The following UBASH3B variants were observed in gnomAD, a reference collection of about 807,000 sequenced individuals.
UBASH3B encodes the protein ubiquitin associated and SH3 domain containing B.
A neutral mutation model predicts 83.4 loss-of-function variants in UBASH3B; 37 were observed. The observed-to-expected ratio is 0.44, with a 90% CI of 0.34 to 0.58. The LOEUF is 0.58. UBASH3B is among the 20% of genes least tolerant of loss of function. The probability of loss-of-function intolerance (pLI) is 0.01; values close to 1 mark genes in which losing one functional copy is unlikely to be tolerated. For missense variants in UBASH3B, 657 were observed against 827.2 expected, an observed-to-expected ratio of 0.79 and a Z score of 2.52; for synonymous variants, 304 against 318.3, an observed-to-expected ratio of 0.96 and a Z score of 0.48.
At chr11:122,807,785 C>T (rs919221784) in intron 12 of UBASH3B, among the ~76,000 whole-genome samples, 1 of 152,136 alleles carries the variant, frequency 6.6e-6, no homozygotes, top group Non-Finnish European at 1.5e-5. Flanking sequence ...AACTCCTGAA[C>T]TCAAGTGGTC....
At chr11:122,767,379 C>T (rs12363591) in intron 1 of UBASH3B, among the ~76,000 whole-genome samples, 4 of 152,012 alleles carry the variant, frequency 2.6e-5, no homozygotes, top group East Asian at 1.9e-4. Context: ...GGCACGATTT[C>T]GGCTCACTGC....
intron 1 of UBASH3B, among the ~76,000 whole-genome samples, chr11:122,686,877 C>CT (rs981432121): frequency 4.8e-5 from 7 of 144,430 alleles, no homozygotes; most frequent in South Asian, 2.2e-4. Flanking sequence ...TTTTTTTTTT[C>CT]TTTTTTTTGA....
intron 1 of UBASH3B, among the ~76,000 whole-genome samples, chr11:122,773,069 C>G (rs896510479): frequency 6.6e-6 from 1 of 152,218 alleles, no homozygotes; most frequent in Non-Finnish European, 1.5e-5. Flanking sequence ...TTTATCTTCT[C>G]GAGGTCTCAG....
At chr11:122,742,567 G>T (rs148444838) in intron 1 of UBASH3B, among the ~76,000 whole-genome samples, 4 of 152,334 alleles carry the variant, frequency 2.6e-5, no homozygotes, top group African/African-American at 9.6e-5. Context: ...TCAGCCACAC[G>T]TGTGACATCA....
intron 9 of UBASH3B, 94 bp from the exon 10 acceptor site, chr11:122,798,848 A>G: frequency 1.1e-6 from 1 of 916,040 alleles, no homozygotes; most frequent in Non-Finnish European, 1.7e-6. Flanking sequence ...AGAGGGGTTT[A>G]CAGGAGCTTA....
At chr11:122,693,510 G>A (rs1026683283) in intron 1 of UBASH3B, among the ~76,000 whole-genome samples, 1 of 152,166 alleles carries the variant, frequency 6.6e-6, no homozygotes, top group Admixed American at 6.5e-5. Context: ...GTACAGAATG[G>A]ACAAAGTCAT....
chr11:122,782,639 A>G (rs900648851), intron 4 of UBASH3B: 1 of 155,130 alleles, frequency 6.4e-6, no homozygotes, highest in Non-Finnish European at 1.4e-5. Flanking sequence ...CGTGATTCCA[A>G]AATGAAGGGA....
intron 1 of UBASH3B, among the ~76,000 whole-genome samples, chr11:122,697,491 C>T (rs969351004): frequency 6.6e-6 from 1 of 152,034 alleles, no homozygotes; most frequent in Admixed American, 6.6e-5. Flanking sequence ...CACATTTATA[C>T]CCACAACTTC....
rs897240918 is a variant in UBASH3B at position 122,812,554 on chromosome 11, C to T, written c.*2668C>T. 6.6e-6 allele frequency: 1 copy of T among 152,134 alleles called. No homozygotes were observed. The highest frequency in any genetic ancestry group is 1.9e-4 in the East Asian group (1 of 5,194). 9.4% of individuals were successfully genotyped at this position (152,134 alleles called of 1,614,324 possible). A position where few individuals can be genotyped will look rare whatever the true frequency, so the allele number is the denominator to read the frequency against. On this transcript the variant is annotated 3_prime_UTR_variant, in exon 14 of 14. Transcript: ENST00000284273. The stretch of plus-strand genomic sequence containing the variant: ...GAAGGAAGGGCAAGGAAGGAATTGA[C>T]AGATAAGAAGCAAATGGTTTCTTGT...
At chr11:122,803,809 G>A (rs576604376) in intron 11 of UBASH3B, among the ~76,000 whole-genome samples, 1 of 152,222 alleles carries the variant, frequency 6.6e-6, no homozygotes, top group African/African-American at 2.4e-5. Context: ...CAGTTTCGGG[G>A]ATGCCACCTG....
intron 6 of UBASH3B, among the ~76,000 whole-genome samples, chr11:122,792,168 G>C (rs1167754142): frequency 6.6e-6 from 1 of 152,078 alleles, no homozygotes; most frequent in Non-Finnish European, 1.5e-5. Context: ...ACGAAGGAGG[G>C]AGAGAAGGGA....
chr11:122,772,774 A>G (rs1565559248), intron 1 of UBASH3B, among the ~76,000 whole-genome samples: 2 of 152,162 alleles, frequency 1.3e-5, no homozygotes, highest in East Asian at 3.9e-4. Context: ...GGGTTTTTTT[A>G]ATTAGCCATT....
At chr11:122,682,010 G>A (rs1458485648) in intron 1 of UBASH3B, among the ~76,000 whole-genome samples, 1 of 152,000 alleles carries the variant, frequency 6.6e-6, no homozygotes, top group Non-Finnish European at 1.5e-5. Context: ...GAACAAGATG[G>A]GCCCATCTCC....
At chr11:122,752,490 C>T (rs1325857241) in intron 1 of UBASH3B, among the ~76,000 whole-genome samples, 1 of 152,164 alleles carries the variant, frequency 6.6e-6, no homozygotes, top group Non-Finnish European at 1.5e-5. Flanking sequence ...ACACTTGTAA[C>T]AGGAATAAGG....
intron 1 of UBASH3B, among the ~76,000 whole-genome samples, chr11:122,769,220 G>A (rs1268280628): frequency 6.6e-6 from 1 of 152,194 alleles, no homozygotes; most frequent in Admixed American, 6.5e-5. Flanking sequence ...AGAAGGGAGA[G>A]AGAGAGGGGA....
Position 122,808,078 on chromosome 11 carries a change from C to T in UBASH3B, c.1714C>T (p.Leu572=), listed in dbSNP as rs769210628. The part of the protein sequence containing the change: ...SECKSKGNNI[L]IVAHASSLEA... Reference sequence around the variant, plus strand: ...CCATTTTCCCCCAGGAAATAACATCCTGATTGTGGCCCACGCATCTTCCCT... The same window carrying T: ...CCATTTTCCCCCAGGAAATAACATCTTGATTGTGGCCCACGCATCTTCCCT... Residue 572 remains leucine (L), a synonymous_variant, in exon 13 of 14, where the codon CTG becomes TTG. Transcript: ENST00000284273. The T allele has an allele frequency of 6.2e-7, 1 of 1,614,088 alleles. No individual in the cohort carries two copies. Among genetic ancestry groups the T allele is most frequent in the Non-Finnish European group, 8.5e-7 (1 of 1,179,938 alleles).
intron 1 of UBASH3B, among the ~76,000 whole-genome samples, chr11:122,730,830 G>GAT (rs1860831986): frequency 6.6e-6 from 1 of 152,070 alleles, no homozygotes; most frequent in African/African-American, 2.4e-5. Context: ...CCCGACCTCA[G>GAT]GTGATCCGCC....
At chr11:122,783,473 T>C (rs1163787349) in intron 5 of UBASH3B, among the ~76,000 whole-genome samples, 3 of 151,882 alleles carry the variant, frequency 2.0e-5, no homozygotes, top group Non-Finnish European at 4.4e-5. Context: ...CCCCTGCCAA[T>C]CCAACTCCAG....
chr11:122,775,386 A>G (rs1318514839), intron 1 of UBASH3B, among the ~76,000 whole-genome samples: 2 of 152,236 alleles, frequency 1.3e-5, no homozygotes, highest in Non-Finnish European at 2.9e-5. Context: ...AGAAGCGAGA[A>G]TGATAGCTGC....
Sources: allele counts gnomAD v4.1 joint callset (sites outside exome capture counted in the v4.1 genomes callset), GRCh38; gene constraint gnomAD v4.1.1; transcripts MANE v1.5; gene names NCBI Gene and HGNC (gene_info 2026-07-23, HGNC 2026-07-21).